Variants in WDR90 observed in about 807,000 individuals in gnomAD.
The protein encoded by WDR90 is WD repeat-containing protein 90.
Under a neutral mutation model 195.2 loss-of-function variants are expected in WDR90, and 238 were observed. The ratio of observed to expected loss-of-function variants is 1.22; its 90% CI spans 1.10 to 1.36. The LOEUF is 1.36. Ranked by LOEUF, WDR90 falls within the 40% of genes most tolerant of loss-of-function variation. The pLI is 0.00. For missense variants in WDR90, 2,734 were observed against 2,439.5 expected (o/e 1.12, Z -2.54); for synonymous variants, 1,265 against 1,052.4 (o/e 1.20, Z -3.91).
Position 657,074 on chromosome 16 carries a change from C to T in WDR90, c.2343-17C>T, listed in dbSNP as rs1245086825. 1.3e-6 allele frequency: 2 copies of T among 1,596,218 alleles called. No homozygotes were observed. The highest frequency in any genetic ancestry group is 2.3e-5 in the East Asian group (1 of 43,902). ...GCTTCGGGGCTAGGGCCAGCGGGGT[C>T]CCTGTGTGTGCTGCAGGTGCCACCG... is the stretch of plus-strand genomic sequence containing the variant. On this transcript the variant is annotated splice_polypyrimidine_tract_variant and intron_variant, in intron 19 of 40. Transcript: ENST00000293879.
intron 33 of WDR90, 165 bp from the exon 34 acceptor site, chr16:662,514 G>C: frequency 8.3e-7 from 1 of 1,198,308 alleles, no homozygotes. Flanking sequence ...ACGGGCATGG[G>C]CCCAGAAGCC....
In WDR90 at chr16:651,117, C is replaced by T. The variant is rs1431366429; in HGVS notation, c.668+14C>T. On this transcript the variant is annotated intron_variant, in intron 6 of 40. Coordinates refer to ENST00000293879, the MANE Select transcript of WDR90 (RefSeq NM_145294.5). Reference sequence around the variant, plus strand: ...CATCCACGTCCGGTGAGTGGTTCTGCTTCTTTCGAGGGAGGCCTCGGTGGT... The same window carrying T: ...CATCCACGTCCGGTGAGTGGTTCTGTTTCTTTCGAGGGAGGCCTCGGTGGT... 1.3e-6 allele frequency: 2 copies of T among 1,545,492 alleles called. No homozygotes were observed. The highest frequency in any genetic ancestry group is 1.8e-6 in the Non-Finnish European group (2 of 1,125,808).
rs1567220245 is a variant in WDR90, at chr16:660,635, CG to C, written c.3314del (p.Gly1105ValfsTer6). ...AGGGCACTTGCCCGCCTCCCGCCAG[CG>C]GTGGGTGGCTGCGTCTGAAGGCTGT... ...AKGTCPPPAS[G>X]GWLRLKAVVG... On this transcript the variant is annotated frameshift_variant, in exon 28 of 41. Coordinates refer to ENST00000293879, the MANE Select transcript of WDR90 (RefSeq NM_145294.5). LOFTEE classifies it high-confidence loss of function. The C allele has an allele frequency of 6.3e-6, 10 of 1,575,422 alleles. No homozygotes were observed. The highest frequency in any genetic ancestry group is 6.9e-6 in the Non-Finnish European group (8 of 1,161,582).
chr16:663,101 C>T lies in WDR90; in HGVS notation c.4311+257C>T, dbSNP rs779017645. On this transcript the variant is annotated intron_variant, in intron 34 of 40. Transcript: ENST00000293879. ...CTGTCCTTTCCCTGCTATTGCTTTG[C>T]GTTTTTTTGTTTGTTTGTTTTTTGT... 45 of 635,110 alleles carry T rather than the reference C, an allele frequency of 7.1e-5. No homozygotes were observed. The East Asian group carries it at 1.1e-3, about 15-fold the overall frequency. 39.3% of individuals were successfully genotyped at this position (635,110 alleles called of 1,614,324 possible). A position where few individuals can be genotyped will look rare whatever the true frequency, so the allele number is the denominator to read the frequency against.
At chr16:653,041 C>A (rs540361283) in intron 10 of WDR90, among the ~76,000 whole-genome samples, 2 of 152,248 alleles carry the variant, frequency 1.3e-5, no homozygotes, top group African/African-American at 2.4e-5. Context: ...TTGTTACCCC[C>A]ACCCCGGAGT....
rs1169708965 is a variant in WDR90, at chr16:666,086, A to G, written c.4571A>G (p.His1524Arg). 1 of 1,610,002 alleles carries G rather than the reference A, an allele frequency of 6.2e-7. No homozygotes were observed. Among genetic ancestry groups the G allele is most frequent in the Non-Finnish European group, 8.5e-7 (1 of 1,179,664 alleles). The stretch of plus-strand genomic sequence containing the variant: ...GCCATGGAGCTCAAGATGCACCCCC[A>G]CCCGGTGGCGCTGACCACTGTTGCC... ...RTAMELKMHPHPVALTTVAFS... is the reference protein window; with the variant it reads ...RTAMELKMHPRPVALTTVAFS... The change falls in exon 36 of 41, where the codon CAC becomes CGC. Residue 1524 changes from histidine to arginine, a missense_variant. Coordinates refer to ENST00000293879, the MANE Select transcript of WDR90 (RefSeq NM_145294.5).
rs181903043 is a variant in WDR90 at position 652,624 on chromosome 16, C to T, written c.1122+89C>T. 174 of 1,347,054 alleles carry T rather than the reference C, an allele frequency of 1.3e-4. 1 individual carries two copies. The highest frequency in any genetic ancestry group is 1.6e-4 in the Non-Finnish European group (162 of 1,023,268). The allele number at this position is 1,347,054 out of a possible 1,614,324, so 83.4% of individuals were successfully genotyped here. On this transcript the variant is annotated intron_variant, in intron 10 of 40. Transcript: ENST00000293879. Reference sequence around the variant, plus strand: ...ACGGGGAGAGAGGAGAGACCTATGTCCTGTGGTGGCTGTGTGTGGGCTCCC... The same window carrying T: ...ACGGGGAGAGAGGAGAGACCTATGTTCTGTGGTGGCTGTGTGTGGGCTCCC...
chr16:650,562 G>A lies in WDR90; in HGVS notation c.412G>A (p.Gly138Arg), dbSNP rs780383759. 1.9e-5 allele frequency: 31 copies of A among 1,610,976 alleles called. No individual in the cohort carries two copies. The highest frequency in any genetic ancestry group is 3.3e-5 in the South Asian group (3 of 91,062). The change falls in exon 5 of 41, where the codon GGA becomes AGA. Residue 138 changes from glycine (G) to arginine (R), a missense_variant. By Grantham distance (125) the Gly-to-Arg change is moderately radical (BLOSUM62 -2). Coordinates refer to ENST00000293879, the MANE Select transcript of WDR90 (RefSeq NM_145294.5). ...QRDLVGLAPS[G>R]ARWTCLQLDL... is the part of the protein sequence containing the mutation. ...AGATCTGGTGGGTTTGGCCCCCTCC[G>A]GAGCCCGCTGGACCTGCCTGCAGCT... is the stretch of plus-strand genomic sequence containing the variant.
intron 19 of WDR90, 46 bp from the exon 20 acceptor site, chr16:657,045 C>G: frequency 6.3e-7 from 1 of 1,588,604 alleles, no homozygotes; most frequent in Non-Finnish European, 8.5e-7. Context: ...CCCATGGTAC[C>G]TGGGCTTCGG....
rs1195717957 is a variant in WDR90 at position 652,465 on chromosome 16, AG to A, written c.1055del. 1.9e-6 allele frequency: 3 copies of A among 1,603,864 alleles called. No homozygotes were observed. In the African/African-American group the frequency reaches 4.0e-5, roughly 22 times the overall value. ...GGACTTTGATGCGAATGGCTGTTTCAGGGCTTCCTCCCAGACCCAGTCCTGA... is the reference window on the plus strand; with the variant it reads ...GGACTTTGATGCGAATGGCTGTTTCAGGCTTCCTCCCAGACCCAGTCCTGA... On this transcript the variant is annotated splice_acceptor_variant, in intron 9 of 40. Transcript: ENST00000293879. LOFTEE classifies it high-confidence loss of function.
At chr16:661,566 A>C (rs2037914962) in intron 30 of WDR90, 31 bp from the exon 31 acceptor site, 1 of 1,579,996 alleles carries the variant, frequency 6.3e-7, no homozygotes, top group Non-Finnish European at 8.6e-7. Context: ...GCATCTGTGC[A>C]CCTGACGTGG....
rs1180665240 is a variant in WDR90 at position 660,160 on chromosome 16, A to G, written c.3287A>G (p.Lys1096Arg). 6.6e-7 allele frequency: 1 copy of G among 1,520,842 alleles called. No individual in the cohort carries two copies. The highest frequency in any genetic ancestry group is 1.2e-5 in the South Asian group (1 of 82,212). 94.2% of individuals were successfully genotyped at this position (1,520,842 alleles called of 1,614,324 possible). The change falls in exon 27 of 41, where the codon AAG becomes AGG. Residue 1096 changes from lysine to arginine, a missense_variant and splice_region_variant. Physicochemically the swap from Lys to Arg is conservative, Grantham distance 26 (BLOSUM62 2). Transcript: ENST00000293879. ...ARVSCSPHSAKGTCPPPASGG... is the reference protein window; with the variant it reads ...ARVSCSPHSARGTCPPPASGG... Reference sequence around the variant, plus strand: ...GTCAGCTGCAGCCCCCACTCTGCCAAGGTGGGGAGTGGTTTCTGGGAGCCC... The same window carrying G: ...GTCAGCTGCAGCCCCCACTCTGCCAGGGTGGGGAGTGGTTTCTGGGAGCCC...
chr16:667,583 CCT>C lies in WDR90; in HGVS notation c.5244_5245del (p.Ter1749ArgfsTer41). On this transcript the variant is annotated frameshift_variant, in exon 41 of 41. Transcript: ENST00000293879. LOFTEE classifies it high-confidence loss of function. ...NEILVWEVPGL is the reference protein window; with the variant it reads ...NEILVWEVPGX ...AGATCCTTGTGTGGGAGGTCCCCGG[CCT>C]CTGAGATGCAGCAGGGACTGTGGTG... The C allele has an allele frequency of 6.2e-7, 1 of 1,607,866 alleles. No homozygotes were observed. The highest frequency in any genetic ancestry group is 8.5e-7 in the Non-Finnish European group (1 of 1,179,948).
At position 662,265 on chromosome 16, in the gene WDR90, CG is replaced by C. The variant is rs763607241; in HGVS notation, c.4083del (p.Arg1362GlyfsTer13). On this transcript the variant is annotated frameshift_variant, in exon 33 of 41. Transcript: ENST00000293879. LOFTEE classifies it high-confidence loss of function. Reference protein sequence around the residue: ...SGSRLVSGSSTGRLRLWAVGA... With the variant: ...SGSRLVSGSSXGRLRLWAVGA... Reference sequence around the variant, plus strand: ...TCTCGATTGGTCAGCGGCAGCAGCACGGGGCGGCTGCGCCTGTGGGCCGTGG... The same window carrying C: ...TCTCGATTGGTCAGCGGCAGCAGCACGGGCGGCTGCGCCTGTGGGCCGTGG... 2.5e-6 allele frequency: 4 copies of C among 1,585,690 alleles called. No homozygotes were observed. Among genetic ancestry groups the C allele is most frequent in the African/African-American group, 2.7e-5 (2 of 74,638 alleles).
chr16:650,054 C>G lies in WDR90; in HGVS notation c.166C>G (p.Gln56Glu). 1 of 1,612,938 alleles carries G rather than the reference C, an allele frequency of 6.2e-7. No homozygotes were observed. Among genetic ancestry groups the G allele is most frequent in the Non-Finnish European group, 8.5e-7 (1 of 1,179,984 alleles). Residue 56 changes from glutamine (Q) to glutamate (E), a missense_variant, in exon 3 of 41, where the codon CAG (glutamine) becomes GAG (glutamate). By Grantham distance (29) the Gln-to-Glu change is conservative. Transcript: ENST00000293879. Reference protein sequence around the residue: ...RGSVSAANYIQLPKSSTQSLG... With the variant: ...RGSVSAANYIELPKSSTQSLG... ...CTCAGTCTCTGCCGCCAACTACATC[C>G]AGCTCCCTAAGAGCAGCACCCAGTC...
Position 655,130 on chromosome 16 carries a change from CT to C in WDR90, c.1545del (p.Phe515LeufsTer31), listed in dbSNP as rs1567216009. On this transcript the variant is annotated frameshift_variant, in exon 14 of 41. Coordinates refer to ENST00000293879, the MANE Select transcript of WDR90 (RefSeq NM_145294.5). LOFTEE classifies it high-confidence loss of function. ...DFDVQAFRVTFFDETRMASCG... is the reference protein window; with the variant it reads ...DFDVQAFRVTXFDETRMASCG... ...TTGACGTCCAGGCCTTCCGGGTCAC[CT>C]TTTTTGATGAAACCAGGTGATGCAG... is the stretch of plus-strand genomic sequence containing the variant. 3.1e-6 allele frequency: 5 copies of C among 1,612,756 alleles called. No individual in the cohort carries two copies. Among genetic ancestry groups the C allele is most frequent in the South Asian group, 2.2e-5 (2 of 91,090 alleles).
chr16:655,137 G>T lies in WDR90; in HGVS notation c.1546G>T (p.Asp516Tyr), dbSNP rs374528522. 3.3e-5 allele frequency: 54 copies of T among 1,612,616 alleles called. No individual in the cohort carries two copies. The highest frequency in any genetic ancestry group is 4.4e-5 in the Non-Finnish European group (52 of 1,179,814). Residue 516 changes from aspartate (D) to tyrosine (Y), a missense_variant, in exon 14 of 41, where the codon GAT becomes TAT. Asp to Tyr is a radical substitution (Grantham distance 160). Coordinates refer to ENST00000293879, the MANE Select transcript of WDR90 (RefSeq NM_145294.5). ...DVQAFRVTFF[D>Y]ETRMASCGQG... ...CCAGGCCTTCCGGGTCACCTTTTTT[G>T]ATGAAACCAGGTGATGCAGCCGCCC...
rs2037684691 is a variant in WDR90, at chr16:653,431, T to C, written c.1213T>C (p.Phe405Leu). 6.2e-7 allele frequency: 1 copy of C among 1,611,858 alleles called. No individual in the cohort carries two copies. ...LLVDTGEQRF[F>L]LGHTDKVSAL... ...CGTGGACACGGGGGAGCAGCGCTTC[T>C]TCCTTGGCCACACAGACAAGGTGGG... The change falls in exon 11 of 41, where the codon TTC becomes CTC. Residue 405 changes from phenylalanine (F) to leucine (L), a missense_variant. Physicochemically the swap from Phe to Leu is conservative, Grantham distance 22 (BLOSUM62 0). Transcript: ENST00000293879.
rs186558415 is a variant in WDR90, at chr16:656,037, C to T, written c.1966+148C>T. Reference sequence around the variant, plus strand: ...CGGGGCCAAGTGGCATATCCAGAGCCCTGGGGCGGCTGATGCCAGGGCGGC... The same window carrying T: ...CGGGGCCAAGTGGCATATCCAGAGCTCTGGGGCGGCTGATGCCAGGGCGGC... On this transcript the variant is annotated intron_variant, in intron 17 of 40. Transcript: ENST00000293879. 29 of 1,016,632 alleles carry T rather than the reference C, an allele frequency of 2.9e-5. No individual in the cohort carries two copies. In the African/African-American group the frequency reaches 4.4e-4, roughly 15 times the overall value. The allele number at this position is 1,016,632 out of a possible 1,614,324, so 63.0% of individuals were successfully genotyped here. A position where few individuals can be genotyped will look rare whatever the true frequency, so the allele number is the denominator to read the frequency against.
Sources: gnomAD v4.1 joint callset for allele counts (sites outside exome capture counted in the v4.1 genomes callset) on GRCh38, gnomAD v4.1.1 for gene constraint, MANE v1.5 for transcripts, NCBI Gene and HGNC (gene_info 2026-07-23, HGNC 2026-07-21) for gene names.